Variants in ZFX observed in about 807,000 individuals in gnomAD.
ZFX encodes the protein zinc finger X-chromosomal protein.
For missense variants in ZFX, 362 were observed against 628.3 expected (o/e 0.58, Z 4.53); for synonymous variants, 196 against 226.8 (o/e 0.86, Z 1.22).
At position 24,156,568 on chromosome X, in the gene ZFX, C is replaced by CCA. The variant is rs765901569; in HGVS notation, c.-29+3741_-29+3742dup. 3.6e-5 allele frequency among the ~76,000 whole-genome samples: 4 copies of CCA among 111,268 alleles called. No individual in the cohort carries two copies. In the East Asian group the frequency reaches 1.1e-3, roughly 31 times the overall value. On this transcript the variant is annotated intron_variant, in intron 3 of 9. Coordinates refer to ENST00000304543, the MANE Select transcript of ZFX (RefSeq NM_003410.4). ...GCAACTCCTGAGATATATCATATTC[C>CCA]CACATATGTATCTGTTTTTAGTTTC...
chrX:24,163,597 C>T (rs1387440979), intron 3 of ZFX, among the ~76,000 whole-genome samples: 4 of 105,592 alleles, frequency 3.8e-5, no homozygotes, highest in African/African-American at 1.0e-4. Context: ...AGGCTGGTCT[C>T]GAACTCCTGA....
intron 3 of ZFX, among the ~76,000 whole-genome samples, chrX:24,168,859 C>G (rs1225746781): frequency 9.1e-6 from 1 of 109,691 alleles, no homozygotes; most frequent in Non-Finnish European, 1.9e-5. Flanking sequence ...AATGTTAGTA[C>G]TTGTTCACCC....
upstream of ZFX, chrX:24,149,727 C>T (rs1221139534): frequency 9.0e-6 from 1 of 110,971 alleles, no homozygotes; most frequent in East Asian, 2.9e-4. Flanking sequence ...GGAGCCCGGC[C>T]CAGTGCTCCA....
At chrX:24,181,360 T>C (rs1301228161) in intron 5 of ZFX, among the ~76,000 whole-genome samples, 1 of 111,799 alleles carries the variant, frequency 8.9e-6, no homozygotes, top group Non-Finnish European at 1.9e-5. Context: ...TTTGATCTGC[T>C]GTGGGAGAGA....
At chrX:24,170,404 G>A (rs760232595) in intron 3 of ZFX, among the ~76,000 whole-genome samples, 3 of 107,920 alleles carry the variant, frequency 2.8e-5, no homozygotes, top group African/African-American at 1.0e-4. Flanking sequence ...TGATCCACCC[G>A]TCTCAGCCTC....
At chrX:24,204,544 C>T (rs1471432789) in intron 5 of ZFX, among the ~76,000 whole-genome samples, 1 of 112,121 alleles carries the variant, frequency 8.9e-6, no homozygotes, top group East Asian at 2.8e-4. Context: ...CACCACCTAG[C>T]CTTGGTTGCA....
At position 24,212,354 on chromosome X, in the gene ZFX, C is replaced by T. The variant is rs977545115; in HGVS notation, c.*978C>T. The stretch of plus-strand genomic sequence containing the variant: ...ATGAAAAGTATTAAATTTACAATAA[C>T]ATGAAAGATCCAGGGATGCATGAGA... On this transcript the variant is annotated 3_prime_UTR_variant, in exon 10 of 10. Transcript: ENST00000304543. 1 of 112,050 alleles carries T rather than the reference C, an allele frequency of 8.9e-6. No individual in the cohort carries two copies. The highest frequency in any genetic ancestry group is 3.3e-5 in the African/African-American group (1 of 30,715). The allele number at this position is 112,050 out of a possible 1,213,427, so 9.2% of individuals were successfully genotyped here. A position where few individuals can be genotyped will look rare whatever the true frequency, so the allele number is the denominator to read the frequency against.
At chrX:24,204,424 C>T (rs1312918718) in intron 5 of ZFX, among the ~76,000 whole-genome samples, 2 of 111,838 alleles carry the variant, frequency 1.8e-5, no homozygotes, top group Non-Finnish European at 3.8e-5. Context: ...CAGAACTTTG[C>T]AGAAGTATCA....
intron 5 of ZFX, among the ~76,000 whole-genome samples, chrX:24,194,908 G>A (rs1936800525): frequency 9.2e-6 from 1 of 109,254 alleles, no homozygotes; most frequent in Non-Finnish European, 1.9e-5. Flanking sequence ...CACCCTGCCC[G>A]GCTAATTTTT....
intron 4 of ZFX, among the ~76,000 whole-genome samples, chrX:24,178,928 A>AT (rs1935424093): frequency 9.0e-6 from 1 of 111,451 alleles, no homozygotes; most frequent in Non-Finnish European, 1.9e-5. Flanking sequence ...TCATGTATGT[A>AT]TTTTTTCTGT....
intron 3 of ZFX, among the ~76,000 whole-genome samples, chrX:24,171,518 C>T (rs1420458751): frequency 9.0e-6 from 1 of 110,782 alleles, no homozygotes; most frequent in Non-Finnish European, 1.9e-5. Context: ...AGCAAGAAGC[C>T]ATTAAACATT....
intron 5 of ZFX, among the ~76,000 whole-genome samples, chrX:24,194,728 A>G (rs1936779342): frequency 9.1e-6 from 1 of 109,973 alleles, no homozygotes; most frequent in African/African-American, 3.3e-5. Context: ...GTTTATATCA[A>G]TTAGCCTACA....
rs1413709067 is a variant in ZFX at position 24,179,488 on chromosome X, A to G, written c.364A>G (p.Ile122Val). 3 of 1,212,278 alleles carry G rather than the reference A, an allele frequency of 2.5e-6. No homozygotes were observed. In the South Asian group the frequency reaches 5.3e-5, roughly 21 times the overall value. Reference sequence around the variant, plus strand: ...CCCAGATGATGTTTTAGCTTCTGACATTACTTCAGCCTCAATGTCTATGCC... The same window carrying G: ...CCCAGATGATGTTTTAGCTTCTGACGTTACTTCAGCCTCAATGTCTATGCC... ...TVPDDVLASD[I>V]TSASMSMPEH... The change falls in exon 5 of 10, where the codon ATT becomes GTT. Residue 122 changes from isoleucine to valine, a missense_variant. Coordinates refer to ENST00000304543, the MANE Select transcript of ZFX (RefSeq NM_003410.4).
intron 3 of ZFX, among the ~76,000 whole-genome samples, chrX:24,164,191 C>T (rs1238672975): frequency 9.0e-6 from 1 of 110,888 alleles, no homozygotes; most frequent in Non-Finnish European, 1.9e-5. Context: ...CTGGAGCATG[C>T]CTGTTGTTGG....
intron 5 of ZFX, among the ~76,000 whole-genome samples, chrX:24,188,438 A>G (rs1011705016): frequency 8.9e-6 from 1 of 111,735 alleles, no homozygotes; most frequent in Non-Finnish European, 1.9e-5. Flanking sequence ...GATGAACTCA[A>G]TCTGAAGGGT....
rs981883348 is a variant in ZFX, at chrX:24,207,991, A to G, written c.940+136A>G. The G allele has an allele frequency of 5.5e-6, 5 of 914,241 alleles. No homozygotes were observed. In the East Asian group the frequency reaches 9.5e-5, roughly 17 times the overall value. 75.3% of individuals were successfully genotyped at this position (914,241 alleles called of 1,213,427 possible). ...CAAGGGAAACATCTTTGACTCTTTTATATATGCTTATGATGTTGCTTTAAA... is the reference window on the plus strand; with the variant it reads ...CAAGGGAAACATCTTTGACTCTTTTGTATATGCTTATGATGTTGCTTTAAA... On this transcript the variant is annotated intron_variant, in intron 7 of 9. Coordinates refer to ENST00000304543, the MANE Select transcript of ZFX (RefSeq NM_003410.4).
At chrX:24,202,407 C>A (rs375343043) in intron 5 of ZFX, among the ~76,000 whole-genome samples, 3 of 111,822 alleles carry the variant, frequency 2.7e-5, no homozygotes, top group African/African-American at 9.7e-5. Context: ...TCCATTGACT[C>A]CTCAGCCCAC....
chrX:24,211,803 G>C lies in ZFX; in HGVS notation c.*427G>C. On this transcript the variant is annotated 3_prime_UTR_variant, in exon 10 of 10. Coordinates refer to ENST00000304543, the MANE Select transcript of ZFX (RefSeq NM_003410.4). ...TACATTTCTCACAATAAAATTGTCA[G>C]AGACATCTACTAATATAAATGGGAG... 1 of 120,176 alleles carries C rather than the reference G, an allele frequency of 8.3e-6. No individual in the cohort carries two copies. Among genetic ancestry groups the C allele is most frequent in the Non-Finnish European group, 1.7e-5 (1 of 58,344 alleles). 9.9% of individuals were successfully genotyped at this position (120,176 alleles called of 1,213,427 possible).
intron 5 of ZFX, among the ~76,000 whole-genome samples, chrX:24,184,149 G>A (rs1020187359): frequency 2.3e-4 from 26 of 111,666 alleles, no homozygotes; most frequent in African/African-American, 7.8e-4. Flanking sequence ...ATCCACAAAA[G>A]TCTGAAACAC....
Sources: gnomAD v4.1 joint callset for allele counts (sites outside exome capture counted in the v4.1 genomes callset) on GRCh38, gnomAD v4.1.1 for gene constraint, MANE v1.5 for transcripts, NCBI Gene and HGNC (gene_info 2026-07-23, HGNC 2026-07-21) for gene names.